The following CACNA2D3 variants were observed in gnomAD, a reference collection of about 807,000 sequenced individuals.
The protein encoded by CACNA2D3 is calcium voltage-gated channel auxiliary subunit alpha2delta 3.
Under a neutral mutation model 160.6 loss-of-function variants are expected in CACNA2D3, and 60 were observed. The observed-to-expected ratio is 0.37, with a 90% confidence interval of 0.30 to 0.46. The LOEUF (loss-of-function observed/expected upper bound fraction) is 0.46. Among genes scored for constraint, CACNA2D3 ranks in the 20% least tolerant of loss-of-function variants. The probability of loss-of-function intolerance (pLI) is 1.00; values close to 1 mark genes in which losing one functional copy is unlikely to be tolerated. For synonymous variants in CACNA2D3, 558 were observed against 492.9 expected, an observed-to-expected ratio of 1.13 and a Z score of -1.75; for missense variants, 1,205 against 1,365.0, an observed-to-expected ratio of 0.88 and a Z score of 1.85.
chr3:54,715,526 G>A (rs138250975), intron 11 of CACNA2D3, among the ~76,000 whole-genome samples: 6 of 152,030 alleles, frequency 3.9e-5, no homozygotes, highest in African/African-American at 1.4e-4. Context: ...GGCAGGGGGA[G>A]GTAGAGAGGA....
intron 8 of CACNA2D3, among the ~76,000 whole-genome samples, chr3:54,578,913 C>T (rs1318600118): frequency 6.6e-6 from 1 of 152,122 alleles, no homozygotes; most frequent in East Asian, 1.9e-4. Flanking sequence ...CTGCAGGGCC[C>T]CCAGAGGGAG....
chr3:54,801,110 C>G (rs1280830047), intron 13 of CACNA2D3, among the ~76,000 whole-genome samples: 2 of 151,914 alleles, frequency 1.3e-5, no homozygotes, highest in Non-Finnish European at 2.9e-5. Context: ...CCTCAGCCTC[C>G]TGAGTAGCTG....
intron 2 of CACNA2D3, among the ~76,000 whole-genome samples, chr3:54,214,446 C>G (rs1425891096): frequency 6.6e-6 from 1 of 152,120 alleles, no homozygotes; most frequent in East Asian, 1.9e-4. Context: ...CTCCCTGGTC[C>G]CTAAGGGACA....
rs145939491 is a variant in CACNA2D3, at chr3:54,382,889, C to G, written c.322-3826C>G. ...TTGAGATAGGGTCTTGTTCTGTTGC[C>G]CAGGCTGGAGTGCAGTAGTATAATC... On this transcript the variant is annotated intron_variant, in intron 3 of 37. Coordinates refer to ENST00000474759, the MANE Select transcript of CACNA2D3 (RefSeq NM_018398.3). 5.8e-3 allele frequency among the ~76,000 whole-genome samples: 878 copies of G among 152,258 alleles called. 6 individuals are homozygous for G. Among genetic ancestry groups the G allele is most frequent in the African/African-American group, 0.02 (842 of 41,538 alleles).
intron 2 of CACNA2D3, among the ~76,000 whole-genome samples, chr3:54,249,627 C>T (rs1305784454): frequency 1.5e-5 from 2 of 136,902 alleles, no homozygotes; most frequent in African/African-American, 5.8e-5. Flanking sequence ...GTAATCGTGA[C>T]AACCAGTTCC....
chr3:54,455,532 A>C (rs1473566278), intron 4 of CACNA2D3, among the ~76,000 whole-genome samples: 1 of 151,248 alleles, frequency 6.6e-6, no homozygotes, highest in African/African-American at 2.4e-5. Flanking sequence ...TTGTCTTTTC[A>C]CTCTATTGAT....
chr3:55,020,687 TA>T (rs1469591656), intron 35 of CACNA2D3, among the ~76,000 whole-genome samples: 4 of 151,534 alleles, frequency 2.6e-5, no homozygotes, highest in African/African-American at 4.8e-5. Context: ...CTGCCTCTAC[TA>T]AAAAATACAA....
chr3:54,335,884 G>A (rs1214552980), intron 3 of CACNA2D3, among the ~76,000 whole-genome samples: 1 of 151,396 alleles, frequency 6.6e-6, no homozygotes. Flanking sequence ...CATGTTTGTA[G>A]TCACAGCTAC....
In CACNA2D3 at chr3:54,513,768, C is replaced by T. The variant is rs145272541; in HGVS notation, c.544+10114C>T. The stretch of plus-strand genomic sequence containing the variant: ...CGATCTCAGCTCATTGCAACCTCTG[C>T]CTCCTGGGTTCAAGTGATTCTACTG... On this transcript the variant is annotated intron_variant, in intron 5 of 37. Coordinates refer to ENST00000474759, the MANE Select transcript of CACNA2D3 (RefSeq NM_018398.3). Among the ~76,000 whole-genome samples the T allele has an allele frequency of 5.3e-3, 809 of 152,272 alleles. 9 individuals are homozygous for T. The highest frequency in any genetic ancestry group is 0.017 in the African/African-American group (707 of 41,528).
chr3:54,941,128 G>C (rs990448776), intron 27 of CACNA2D3, among the ~76,000 whole-genome samples: 17 of 152,156 alleles, frequency 1.1e-4, no homozygotes, highest in South Asian at 2.1e-4. Context: ...TCCTGGTAAT[G>C]CAATTAGGAA....
chr3:54,562,813 C>A lies in CACNA2D3; in HGVS notation c.558C>A (p.Val186=). ...TNMYNKDPAI[V]NGVYWSESLN... ...TCTTTTTTACAGACCCTGCAATTGT[C>A]AATGGGGTTTATTGGTCTGAATCTC... Residue 186 remains valine (V), a synonymous_variant, in exon 6 of 38, where the codon GTC becomes GTA. Transcript: ENST00000474759. The A allele has an allele frequency of 6.2e-7, 1 of 1,612,376 alleles. No homozygotes were observed. The highest frequency in any genetic ancestry group is 1.1e-5 in the South Asian group (1 of 90,974).
intron 27 of CACNA2D3, among the ~76,000 whole-genome samples, chr3:54,921,848 G>C (rs1700859748): frequency 1.3e-5 from 2 of 151,910 alleles, no homozygotes; most frequent in African/African-American, 4.8e-5. Context: ...ACTAAAGTCT[G>C]GGCTAGTCTG....
chr3:54,643,639 A>AGTTCT (rs1355960682), intron 11 of CACNA2D3, among the ~76,000 whole-genome samples: 2 of 152,236 alleles, frequency 1.3e-5, no homozygotes, highest in African/African-American at 4.8e-5. Context: ...TGTCAGCAGT[A>AGTTCT]GTTCATGTGG....
rs141983467 is a variant in CACNA2D3 at position 54,823,506 on chromosome 3, G to C, written c.1398+6636G>C. Among the ~76,000 whole-genome samples the C allele has an allele frequency of 1.5e-3, 230 of 152,006 alleles. 1 individual carries two copies. Among genetic ancestry groups the C allele is most frequent in the African/African-American group, 5.3e-3 (219 of 41,452 alleles). The stretch of plus-strand genomic sequence containing the variant: ...GCCTTTGACTCAACAACCCTCTTTT[G>C]CAGAATCTAGCCTAAATTGGTCAGT... On this transcript the variant is annotated intron_variant, in intron 14 of 37. Coordinates refer to ENST00000474759, the MANE Select transcript of CACNA2D3 (RefSeq NM_018398.3).
At chr3:54,949,915 C>A (rs1196962294) in intron 27 of CACNA2D3, among the ~76,000 whole-genome samples, 2 of 152,180 alleles carry the variant, frequency 1.3e-5, no homozygotes, top group Non-Finnish European at 2.9e-5. Context: ...TCTAGTCTAC[C>A]TGAGGGCCAC....
chr3:54,593,966 T>C (rs192600032), intron 9 of CACNA2D3, among the ~76,000 whole-genome samples: 138 of 152,324 alleles, frequency 9.1e-4, no homozygotes, highest in Admixed American at 8.8e-3. Flanking sequence ...TTTTTTTATA[T>C]TATACTATAT....
At chr3:54,635,084 C>G (rs662565) in intron 10 of CACNA2D3, among the ~76,000 whole-genome samples, 116,436 of 151,734 alleles carry the variant, frequency 0.77, 45,133 homozygotes, top group African/African-American at 0.83. Context: ...AACCTAGAGT[C>G]GGAGAGATTA....
intron 4 of CACNA2D3, among the ~76,000 whole-genome samples, chr3:54,498,437 C>G (rs1701237988): frequency 6.6e-6 from 1 of 151,928 alleles, no homozygotes; most frequent in Non-Finnish European, 1.5e-5. Flanking sequence ...TTTCCTCTTT[C>G]ATCCCAGATA....
At chr3:54,350,992 T>TTTTTTTTTTTTTTTTTTTTTTG (rs1559457861) in intron 3 of CACNA2D3, among the ~76,000 whole-genome samples, 3 of 110,978 alleles carry the variant, frequency 2.7e-5, no homozygotes, top group Non-Finnish European at 5.9e-5. Flanking sequence ...GTTTGTTTTT[T>TTTTTTTTTTTTTTTTTTTTTTG]TTTTTTTTTT....
Sources: gnomAD v4.1 joint callset for allele counts (sites outside exome capture counted in the v4.1 genomes callset) on GRCh38, gnomAD v4.1.1 for gene constraint, MANE v1.5 for transcripts, NCBI Gene and HGNC (gene_info 2026-07-23, HGNC 2026-07-21) for gene names.